Variants in PLXNA4 observed in about 807,000 individuals in gnomAD.
PLXNA4 encodes plexin A4, also known as plexin-A4.
In PLXNA4, 44 loss-of-function variants were observed where a neutral mutation model predicts 191.8. That is an observed-to-expected ratio of 0.23 (90% CI 0.18 to 0.29). PLXNA4 has a LOEUF of 0.29. Ranked by LOEUF, PLXNA4 falls within the 10% of genes least tolerant of loss-of-function variation. The pLI, the probability that PLXNA4 is intolerant of heterozygous loss-of-function variation, is 1.00. For missense variants in PLXNA4, 1,800 were observed against 2,488.8 expected (o/e 0.72, Z 5.89); for synonymous variants, 1,082 against 1,009.5 (o/e 1.07, Z -1.36).
intron 3 of PLXNA4, among the ~76,000 whole-genome samples, chr7:132,350,953 A>G (rs938283195): frequency 6.6e-6 from 1 of 152,274 alleles, no homozygotes; most frequent in Admixed American, 6.5e-5. Context: ...ATTAGTGGCA[A>G]GGAAAAGGAA....
At chr7:132,639,978 C>A (rs545009978) in intron 2 of PLXNA4, among the ~76,000 whole-genome samples, 2 of 152,220 alleles carry the variant, frequency 1.3e-5, no homozygotes, top group Non-Finnish European at 2.9e-5. Flanking sequence ...GGGGATTCAG[C>A]TAGATTTCTA....
chr7:132,203,191 G>T, intron 11 of PLXNA4, 132 bp downstream of exon 11: 1 of 766,236 alleles, frequency 1.3e-6, no homozygotes, highest in Non-Finnish European at 2.1e-6. Flanking sequence ...TGTGAAGGAG[G>T]GGCTCAGAGG....
At chr7:132,257,653 C>G (rs1338807449) in intron 4 of PLXNA4, among the ~76,000 whole-genome samples, 1 of 152,202 alleles carries the variant, frequency 6.6e-6, no homozygotes, top group African/African-American at 2.4e-5. Context: ...CAGGAGCCCA[C>G]AGGTGGGCCA....
chr7:132,241,027 G>T (rs766599475), intron 5 of PLXNA4, 39 bp downstream of exon 5: 2 of 1,452,046 alleles, frequency 1.4e-6, no homozygotes, highest in East Asian at 2.3e-5. Context: ...TTACCAGGAG[G>T]AAGTGGGAGG....
chr7:132,372,078 C>T (rs1306735734), intron 3 of PLXNA4, among the ~76,000 whole-genome samples: 1 of 152,176 alleles, frequency 6.6e-6, no homozygotes, highest in Non-Finnish European at 1.5e-5. Flanking sequence ...AACGCATCAC[C>T]CACACTCCCA....
intron 9 of PLXNA4, among the ~76,000 whole-genome samples, chr7:132,219,492 TCACAA>T (rs1798073809): frequency 1.3e-5 from 2 of 152,164 alleles, no homozygotes; most frequent in African/African-American, 4.8e-5. Context: ...TTTAAACCTC[TCACAA>T]TGCCTTGAGT....
At chr7:132,582,409 ACT>A (rs1029748080) in intron 2 of PLXNA4, among the ~76,000 whole-genome samples, 2 of 152,098 alleles carry the variant, frequency 1.3e-5, no homozygotes, top group Admixed American at 1.3e-4. Flanking sequence ...GGCCCCAGTG[ACT>A]CTCAACCAGA....
intron 4 of PLXNA4, among the ~76,000 whole-genome samples, chr7:132,258,771 A>G (rs1371897478): frequency 6.6e-6 from 1 of 152,234 alleles, no homozygotes; most frequent in Non-Finnish European, 1.5e-5. Context: ...GGTTGGCTGC[A>G]CTAACCTAAT....
chr7:132,274,196 G>T (rs1176690404), intron 4 of PLXNA4, among the ~76,000 whole-genome samples: 2 of 151,576 alleles, frequency 1.3e-5, no homozygotes, highest in Non-Finnish European at 2.9e-5. Context: ...GACAGCAAAG[G>T]GTCATAAAAG....
chr7:132,162,383 C>T (rs1454608946), intron 24 of PLXNA4, among the ~76,000 whole-genome samples: 1 of 152,208 alleles, frequency 6.6e-6, no homozygotes, highest in African/African-American at 2.4e-5. Flanking sequence ...TGAACCACTC[C>T]AATTTCCTCA....
chr7:132,306,118 G>T (rs1801510837), intron 3 of PLXNA4, among the ~76,000 whole-genome samples: 1 of 152,204 alleles, frequency 6.6e-6, no homozygotes, highest in Non-Finnish European at 1.5e-5. Flanking sequence ...AAGGAGGTCA[G>T]GCCTTGCTCA....
intron 2 of PLXNA4, among the ~76,000 whole-genome samples, chr7:132,619,659 A>G (rs1803223019): frequency 6.6e-6 from 1 of 152,252 alleles, no homozygotes; most frequent in Non-Finnish European, 1.5e-5. Flanking sequence ...TGGTTAGTGT[A>G]TCTGGCATAT....
At chr7:132,461,190 C>A (rs1204993453) in intron 3 of PLXNA4, among the ~76,000 whole-genome samples, 3 of 152,128 alleles carry the variant, frequency 2.0e-5, no homozygotes, top group Admixed American at 2.0e-4. Flanking sequence ...CTCTGTACAA[C>A]AAGGCTTCCC....
chr7:132,604,245 T>C (rs753005025), intron 2 of PLXNA4, among the ~76,000 whole-genome samples: 66 of 152,188 alleles, frequency 4.3e-4, no homozygotes, highest in Admixed American at 9.2e-4. Flanking sequence ...CTCTGGATAG[T>C]GGCCCATGAA....
chr7:132,177,295 A>G (rs1375071231), intron 20 of PLXNA4, among the ~76,000 whole-genome samples: 1 of 152,166 alleles, frequency 6.6e-6, no homozygotes, highest in African/African-American at 2.4e-5. Flanking sequence ...ATGTTTATAT[A>G]TCAGAAGCTT....
At chr7:132,600,997 T>C (rs1010746390) in intron 2 of PLXNA4, among the ~76,000 whole-genome samples, 1 of 152,186 alleles carries the variant, frequency 6.6e-6, no homozygotes, top group African/African-American at 2.4e-5. Flanking sequence ...TTTAATCCCA[T>C]ACTTCTGTTT....
Position 132,489,414 on chromosome 7 carries a change from C to T in PLXNA4, c.1249G>A (p.Asp417Asn), listed in dbSNP as rs142386862. ...AAGACGGGAATTCCACGCACCATGT[C>T]GGACACTCCCAGGGGAGCATTCATG... ...LDMNAPLGVSDMVRGIPVFTE... is the reference protein window; with the variant it reads ...LDMNAPLGVSNMVRGIPVFTE... The change falls in exon 3 of 32, where the codon GAC becomes AAC. Residue 417 changes from aspartate to asparagine, a missense_variant. Around this residue, in one of 6 missense-constraint regions of PLXNA4, gnomAD observed 1,397 missense variants for 1,880.4 expected, o/e 0.74. Coordinates refer to ENST00000321063, the MANE Select transcript of PLXNA4 (RefSeq NM_020911.2). 0.01 allele frequency: 16,193 copies of T among 1,603,924 alleles called. 106 individuals are homozygous for T. Among genetic ancestry groups the T allele is most frequent in the Non-Finnish European group, 0.012 (13,712 of 1,171,442 alleles).
At position 132,283,025 on chromosome 7, in the gene PLXNA4, G is replaced by A. The variant is rs148580579; in HGVS notation, c.1503+15066C>T. ...CCCCAAGTAACTGGGACCTACAGGC[G>A]CTCACCACCATACCCAGCTAATTTT... On this transcript the variant is annotated intron_variant, in intron 4 of 31. Coordinates refer to ENST00000321063, the MANE Select transcript of PLXNA4 (RefSeq NM_020911.2). Among the ~76,000 whole-genome samples the A allele has an allele frequency of 4.9e-3, 745 of 151,866 alleles. 4 individuals carry two copies. Among genetic ancestry groups the A allele is most frequent in the African/African-American group, 0.017 (708 of 41,420 alleles).
intron 30 of PLXNA4, among the ~76,000 whole-genome samples, chr7:132,136,616 G>C (rs529624661): frequency 6.6e-6 from 1 of 152,266 alleles, no homozygotes; most frequent in Admixed American, 6.5e-5. Flanking sequence ...AGTCTGCAGG[G>C]TCCTAGTCTG....
Sources: allele counts gnomAD v4.1 joint callset (sites outside exome capture counted in the v4.1 genomes callset), GRCh38; gene constraint gnomAD v4.1.1; regional missense constraint gnomAD v4.1.1; transcripts MANE v1.5; gene names NCBI Gene and HGNC (gene_info 2026-07-23, HGNC 2026-07-21).